Variants in DLG2 observed in about 807,000 individuals in gnomAD.
DLG2 encodes the protein discs large MAGUK scaffold protein 2, also known as disks large homolog 2.
In DLG2, 45 loss-of-function variants were observed where a neutral mutation model predicts 132.5. The observed-to-expected ratio is 0.34, with a 90% CI of 0.27 to 0.44. DLG2 has a LOEUF of 0.44. Among genes scored for constraint, DLG2 ranks in the 20% least tolerant of loss-of-function variants. DLG2 has a pLI of 1.00. For missense variants in DLG2, 1,045 were observed against 1,196.9 expected (o/e 0.87, Z 1.87); for synonymous variants, 424 against 419.6 (o/e 1.01, Z -0.13).
At chr11:85,580,011 A>T (rs535705551) in intron 3 of DLG2, among the ~76,000 whole-genome samples, 1 of 152,278 alleles carries the variant, frequency 6.6e-6, no homozygotes, top group South Asian at 2.1e-4. Flanking sequence ...TAATTGAATC[A>T]TGGGGTTGGG....
intron 9 of DLG2, among the ~76,000 whole-genome samples, chr11:84,110,783 T>C (rs910213029): frequency 2.0e-5 from 3 of 152,224 alleles, no homozygotes; most frequent in Non-Finnish European, 4.4e-5. Context: ...AGGTGAATTA[T>C]GCTCCCTGTA....
At chr11:83,964,026 A>G (rs2089595036) in intron 13 of DLG2, among the ~76,000 whole-genome samples, 1 of 151,978 alleles carries the variant, frequency 6.6e-6, no homozygotes, top group Non-Finnish European at 1.5e-5. Flanking sequence ...TTTTATTTAT[A>G]TATCTGAGTT....
intron 6 of DLG2, among the ~76,000 whole-genome samples, chr11:84,814,708 C>T (rs531025148): frequency 1.3e-5 from 2 of 152,086 alleles, no homozygotes; most frequent in Non-Finnish European, 2.9e-5. Flanking sequence ...CCCCCACCTC[C>T]TGCATTTGTC....
At chr11:84,684,804 A>G (rs913905651) in intron 6 of DLG2, among the ~76,000 whole-genome samples, 1 of 152,228 alleles carries the variant, frequency 6.6e-6, no homozygotes, top group Non-Finnish European at 1.5e-5. Context: ...GTGAATTATT[A>G]CTGCAATCTA....
rs79523521 is a variant in DLG2 at position 83,939,821 on chromosome 11, T to G, written c.1341-9338A>C. On this transcript the variant is annotated intron_variant, in intron 14 of 27. Coordinates refer to ENST00000376104, the MANE Select transcript of DLG2 (RefSeq NM_001142699.3). ...AATTTTACATTACTAAGACAAACTC[T>G]ACAGGGGGGAACACTCTTATACCTT... Among the ~76,000 whole-genome samples the G allele has an allele frequency of 7.9e-4, 121 of 152,308 alleles. No individual in the cohort carries two copies. In the East Asian group the frequency reaches 0.018, roughly 23 times the overall value.
intron 6 of DLG2, among the ~76,000 whole-genome samples, chr11:85,105,101 A>T (rs1195271225): frequency 6.6e-6 from 1 of 151,794 alleles, no homozygotes; most frequent in Non-Finnish European, 1.5e-5. Flanking sequence ...CTTGCCAGCA[A>T]CCTTAGGGCT....
At chr11:84,693,577 A>C (rs1310423926) in intron 6 of DLG2, among the ~76,000 whole-genome samples, 4 of 151,700 alleles carry the variant, frequency 2.6e-5, no homozygotes, top group African/African-American at 9.7e-5. Context: ...AAAAGTATTA[A>C]GATTATTTCT....
At chr11:84,849,746 A>G (rs543191359) in intron 6 of DLG2, among the ~76,000 whole-genome samples, 45 of 152,198 alleles carry the variant, frequency 3.0e-4, no homozygotes, top group African/African-American at 1.1e-3. Context: ...TTACAACGAC[A>G]CTGTTGCAAG....
intron 7 of DLG2, among the ~76,000 whole-genome samples, chr11:84,498,004 T>C (rs1276780581): frequency 2.0e-5 from 3 of 152,126 alleles, no homozygotes; most frequent in Non-Finnish European, 4.4e-5. Context: ...CAAGTACACA[T>C]GAAAGGGCAA....
chr11:84,845,103 A>G (rs1304570678), intron 6 of DLG2, among the ~76,000 whole-genome samples: 3 of 152,136 alleles, frequency 2.0e-5, no homozygotes, highest in African/African-American at 7.2e-5. Context: ...AACCACTAGA[A>G]TATTCTCAGT....
chr11:84,052,895 T>C (rs893821779), intron 11 of DLG2, among the ~76,000 whole-genome samples: 2 of 152,020 alleles, frequency 1.3e-5, no homozygotes, highest in Non-Finnish European at 2.9e-5. Context: ...ACCATTTGAC[T>C]CAGCAATCCC....
intron 9 of DLG2, among the ~76,000 whole-genome samples, chr11:84,154,721 T>G (rs1469403282): frequency 6.6e-6 from 1 of 152,152 alleles, no homozygotes; most frequent in Non-Finnish European, 1.5e-5. Flanking sequence ...ATTGTTCAAT[T>G]CCCACCTATG....
intron 6 of DLG2, among the ~76,000 whole-genome samples, chr11:84,966,089 G>A (rs1441006299): frequency 6.6e-6 from 1 of 151,842 alleles, no homozygotes; most frequent in Non-Finnish European, 1.5e-5. Context: ...CAGATAATAG[G>A]TGTATGTTGT....
chr11:85,128,598 G>C (rs1021076015), intron 5 of DLG2, among the ~76,000 whole-genome samples: 2 of 151,990 alleles, frequency 1.3e-5, no homozygotes, highest in Non-Finnish European at 2.9e-5. Context: ...CATTAAATTA[G>C]GCAGAATATT....
At chr11:85,098,215 T>C (rs142054921) in intron 6 of DLG2, among the ~76,000 whole-genome samples, 1 of 152,196 alleles carries the variant, frequency 6.6e-6, no homozygotes, top group Non-Finnish European at 1.5e-5. Flanking sequence ...CTGAGTGACT[T>C]CAAAGTCCAT....
chr11:84,006,509 T>C (rs1462712696), intron 11 of DLG2, among the ~76,000 whole-genome samples: 2 of 151,558 alleles, frequency 1.3e-5, no homozygotes, highest in African/African-American at 4.8e-5. Context: ...TTTAACACTT[T>C]AAGTATTTAC....
chr11:83,787,612 C>A (rs1354105639), intron 17 of DLG2, among the ~76,000 whole-genome samples: 1 of 152,108 alleles, frequency 6.6e-6, no homozygotes, highest in East Asian at 1.9e-4. Flanking sequence ...TGAGCCACCG[C>A]GCCCGGCCGC....
At chr11:85,235,918 T>C (rs986551873) in intron 4 of DLG2, among the ~76,000 whole-genome samples, 1 of 151,724 alleles carries the variant, frequency 6.6e-6, no homozygotes, top group Non-Finnish European at 1.5e-5. Context: ...GTAGGCAATG[T>C]GTAGAATATA....
At chr11:84,389,584 G>T (rs1396757393) in intron 7 of DLG2, among the ~76,000 whole-genome samples, 1 of 152,076 alleles carries the variant, frequency 6.6e-6, no homozygotes, top group Non-Finnish European at 1.5e-5. Flanking sequence ...TTTGAAGCAT[G>T]ACAATATCTT....
Sources: gnomAD v4.1 joint callset for allele counts (sites outside exome capture counted in the v4.1 genomes callset) on GRCh38, gnomAD v4.1.1 for gene constraint, MANE v1.5 for transcripts, NCBI Gene and HGNC (gene_info 2026-07-23, HGNC 2026-07-21) for gene names.